The following NOL4 variants were observed in gnomAD, a reference collection of about 807,000 sequenced individuals.
NOL4 encodes cancer/testis antigen 125.
In NOL4, 17 loss-of-function variants were observed where a neutral mutation model predicts 75.9. The ratio of observed to expected loss-of-function variants is 0.22; its 90% CI spans 0.15 to 0.34. The LOEUF (loss-of-function observed/expected upper bound fraction) is 0.34. NOL4 is among the 10% of genes least tolerant of loss of function. The pLI is 1.00. For synonymous variants in NOL4, 292 were observed against 289.9 expected, an observed-to-expected ratio of 1.01 and a Z score of -0.07; for missense variants, 614 against 793.5, an observed-to-expected ratio of 0.77 and a Z score of 2.72.
chr18:33,929,100 A>T (rs1361374851), intron 9 of NOL4, among the ~76,000 whole-genome samples: 2 of 152,114 alleles, frequency 1.3e-5, no homozygotes, highest in Non-Finnish European at 2.9e-5. Flanking sequence ...TGCTTCTGAA[A>T]CTTCCTACAA....
At chr18:33,874,247 G>A (rs1414896009) in intron 10 of NOL4, among the ~76,000 whole-genome samples, 2 of 151,838 alleles carry the variant, frequency 1.3e-5, no homozygotes. Flanking sequence ...AGGGGCATGA[G>A]TACAAAAGAA....
chr18:33,911,596 T>C (rs1486904360), intron 9 of NOL4, among the ~76,000 whole-genome samples: 1 of 152,180 alleles, frequency 6.6e-6, no homozygotes, highest in Non-Finnish European at 1.5e-5. Context: ...ACTTCAAGGA[T>C]GAAATATGAT....
intron 10 of NOL4, among the ~76,000 whole-genome samples, chr18:33,869,320 A>G (rs974324040): frequency 6.6e-6 from 1 of 152,038 alleles, no homozygotes; most frequent in Non-Finnish European, 1.5e-5. Context: ...GAGAATCAGC[A>G]AATTTTAATC....
At chr18:33,922,252 G>T (rs1024664878) in intron 9 of NOL4, among the ~76,000 whole-genome samples, 1 of 152,126 alleles carries the variant, frequency 6.6e-6, no homozygotes, top group Admixed American at 6.5e-5. Flanking sequence ...ACTAAATTTT[G>T]TAACAGTTTC....
chr18:33,920,679 G>C (rs147075921), intron 9 of NOL4, among the ~76,000 whole-genome samples: 5 of 152,308 alleles, frequency 3.3e-5, no homozygotes, highest in Non-Finnish European at 7.4e-5. Flanking sequence ...ACTCCAGGAA[G>C]AGAGATGAGA....
intron 10 of NOL4, among the ~76,000 whole-genome samples, chr18:33,878,083 GA>G (rs1205497273): frequency 3.3e-5 from 5 of 152,044 alleles, no homozygotes; most frequent in African/African-American, 1.2e-4. Context: ...TTTAGATGGT[GA>G]AGTGACGTGA....
At chr18:34,118,747 T>C (rs1419790726) in intron 2 of NOL4, among the ~76,000 whole-genome samples, 1 of 152,194 alleles carries the variant, frequency 6.6e-6, no homozygotes, top group Non-Finnish European at 1.5e-5. Context: ...TGTTATAAAA[T>C]TGAAATGCTC....
chr18:33,946,152 G>T (rs555693103), intron 8 of NOL4, among the ~76,000 whole-genome samples: 1 of 151,700 alleles, frequency 6.6e-6, no homozygotes, highest in East Asian at 1.9e-4. Flanking sequence ...GGAGAAAAAG[G>T]CAGAATAAAT....
intron 8 of NOL4, among the ~76,000 whole-genome samples, chr18:33,952,254 G>A (rs1446309315): frequency 6.6e-6 from 1 of 151,968 alleles, no homozygotes; most frequent in Non-Finnish European, 1.5e-5. Flanking sequence ...AAAATATATT[G>A]GCTATATTCT....
Position 34,008,816 on chromosome 18 carries a change from A to G in NOL4, c.1056+10502T>C, listed in dbSNP as rs943952571. 7.9e-5 allele frequency among the ~76,000 whole-genome samples: 12 copies of G among 152,046 alleles called. No individual in the cohort carries two copies. In the South Asian group the frequency reaches 8.3e-4, roughly 10 times the overall value. ...AAAGACTCTATTCCAAATTAAGGCTAAAGTCAGCTGCATAGCTGGGAGTTC... is the reference window on the plus strand; with the variant it reads ...AAAGACTCTATTCCAAATTAAGGCTGAAGTCAGCTGCATAGCTGGGAGTTC... On this transcript the variant is annotated intron_variant, in intron 6 of 10. Transcript: ENST00000261592.
At chr18:34,176,494 A>C (rs2033556080) in intron 1 of NOL4, among the ~76,000 whole-genome samples, 1 of 152,116 alleles carries the variant, frequency 6.6e-6, no homozygotes, top group African/African-American at 2.4e-5. Context: ...AGGTCCACAC[A>C]CAGTGCTATG....
At chr18:34,147,576 GTGA>G (rs1051076955) in intron 1 of NOL4, among the ~76,000 whole-genome samples, 28 of 151,958 alleles carry the variant, frequency 1.8e-4, no homozygotes, top group African/African-American at 6.3e-4. Context: ...CAACTTGATA[GTGA>G]TGGATTAGCT....
At chr18:34,182,131 G>A (rs2034092983) in intron 1 of NOL4, among the ~76,000 whole-genome samples, 1 of 151,554 alleles carries the variant, frequency 6.6e-6, no homozygotes, top group East Asian at 1.9e-4. Context: ...AGCATTATTT[G>A]TAATAGCTGA....
intron 1 of NOL4, among the ~76,000 whole-genome samples, chr18:34,161,934 A>AGATT (rs1462021858): frequency 1.3e-5 from 2 of 152,060 alleles, no homozygotes; most frequent in Non-Finnish European, 2.9e-5. Context: ...AGTAAATAGG[A>AGATT]GATTAGTAAA....
chr18:34,074,797 A>G (rs1037712359), intron 5 of NOL4, among the ~76,000 whole-genome samples: 1 of 152,108 alleles, frequency 6.6e-6, no homozygotes, highest in African/African-American at 2.4e-5. Flanking sequence ...TATTGTTCCA[A>G]TACAAAATGG....
At chr18:33,953,523 G>C (rs2069401791) in intron 8 of NOL4, among the ~76,000 whole-genome samples, 1 of 151,146 alleles carries the variant, frequency 6.6e-6, no homozygotes, top group African/African-American at 2.4e-5. Context: ...CAGAATAAAG[G>C]AGGAATAAGC....
At chr18:34,123,400 T>C (rs1235812249) in intron 2 of NOL4, among the ~76,000 whole-genome samples, 1 of 151,270 alleles carries the variant, frequency 6.6e-6, no homozygotes, top group Non-Finnish European at 1.5e-5. Flanking sequence ...TAGAAATCAC[T>C]TGTGTAAAAC....
chr18:33,873,419 T>C (rs2063788650), intron 10 of NOL4, among the ~76,000 whole-genome samples: 3 of 151,996 alleles, frequency 2.0e-5, no homozygotes, highest in Admixed American at 6.6e-5. Context: ...TGGTTAATTA[T>C]GGTAAACATG....
intron 6 of NOL4, among the ~76,000 whole-genome samples, chr18:34,006,810 T>C (rs1415913873): frequency 6.6e-6 from 1 of 151,984 alleles, no homozygotes; most frequent in Non-Finnish European, 1.5e-5. Flanking sequence ...AAGACTCAGT[T>C]ACAGTGCCAG....
Sources: allele counts gnomAD v4.1 joint callset (sites outside exome capture counted in the v4.1 genomes callset), GRCh38; gene constraint gnomAD v4.1.1; transcripts MANE v1.5; gene names NCBI Gene and HGNC (gene_info 2026-07-23, HGNC 2026-07-21).